The following TMEM230 variants were observed in gnomAD, a reference collection of about 807,000 sequenced individuals.
The protein encoded by TMEM230 is transmembrane protein 230, also known as UPF0414 transmembrane protein C20orf30.
Under a neutral mutation model 15.8 loss-of-function variants are expected in TMEM230, and 10 were observed. The observed-to-expected ratio is 0.63, with a 90% CI of 0.39 to 1.07. TMEM230 has a LOEUF of 1.07. Among genes scored for constraint, TMEM230 ranks in the 50% least tolerant of loss-of-function variants. The probability of loss-of-function intolerance (pLI) is 0.01; values close to 1 mark genes in which losing one functional copy is unlikely to be tolerated. For synonymous variants in TMEM230, 67 were observed against 76.9 expected (o/e 0.87, Z 0.68); for missense variants, 165 against 193.3 (o/e 0.85, Z 0.87).
At chr20:5,092,981 A>T (rs1349496841) in intron 3 of TMEM230, among the ~76,000 whole-genome samples, 2 of 152,208 alleles carry the variant, frequency 1.3e-5, no homozygotes, top group Non-Finnish European at 2.9e-5. Context: ...TTGACATAGT[A>T]ATGGAAATCC....
At chr20:5,078,151 G>C (rs1259521200) in intron 3 of TMEM230, among the ~76,000 whole-genome samples, 1 of 152,182 alleles carries the variant, frequency 6.6e-6, no homozygotes, top group African/African-American at 2.4e-5. Context: ...GATGCTTCAT[G>C]ATTTCCTGGG....
At chr20:5,063,906 A>G (rs547754941), downstream of TMEM230, among the ~76,000 whole-genome samples, 6 of 152,320 alleles carry the variant, frequency 3.9e-5, no homozygotes, top group Non-Finnish European at 7.3e-5. Context: ...TACATGTCAA[A>G]ATCTGGAAAA....
intron 4 of TMEM230, among the ~76,000 whole-genome samples, chr20:5,104,428 T>C (rs886586626): frequency 6.6e-6 from 1 of 152,184 alleles, no homozygotes; most frequent in African/African-American, 2.4e-5. Flanking sequence ...AAGGGAACCC[T>C]CGTACAATGT....
rs953812275 is a variant in TMEM230 at position 5,107,963 on chromosome 20, T to C, written c.288+1369A>G. Among the ~76,000 whole-genome samples, 38 of 150,656 alleles carry C rather than the reference T, an allele frequency of 2.5e-4. 1 individual carries two copies. The highest frequency in any genetic ancestry group is 2.5e-3 in the Admixed American group (38 of 15,096). ...CCCATCTATACTAAAAATACGAAAA[T>C]TGGCCAGGCATGGTGGTGCATGCCT... On this transcript the variant is annotated intron_variant, in intron 3 of 4. Transcript: ENST00000342308.
chr20:5,068,058 G>T (rs879156), downstream of TMEM230: 89,917 of 152,086 alleles, frequency 0.59, 27,037 homozygotes, highest in East Asian at 0.83. Context: ...GAGTCACTGC[G>T]CTCAGCCTCA....
At position 5,113,045 on chromosome 20, in the gene TMEM230, G is replaced by C; in HGVS notation, c.-17C>G. The C allele has an allele frequency of 3.2e-6, 5 of 1,544,372 alleles. No homozygotes were observed. Among genetic ancestry groups the C allele is most frequent in the South Asian group, 1.2e-5 (1 of 83,966 alleles). ...AGGTTGCATGGCATGGCCCGCTTAA[G>C]TGCCACTCAGCCGGCCCCAGGCGGG... is the stretch of plus-strand genomic sequence containing the variant. On this transcript the variant is annotated 5_prime_UTR_variant, in exon 1 of 5. Transcript: ENST00000342308.
chr20:5,066,020 C>A (rs1351372363), downstream of TMEM230: 1 of 152,410 alleles, frequency 6.6e-6, no homozygotes, highest in Non-Finnish European at 1.5e-5. Context: ...GCTGCTCAGG[C>A]CTTCGCCTCC....
chr20:5,098,055 G>A (rs1221812680), downstream of TMEM230, among the ~76,000 whole-genome samples: 9 of 126,260 alleles, frequency 7.1e-5, no homozygotes, highest in Non-Finnish European at 1.1e-4. Context: ...TTGGCTCACC[G>A]CAACCTTAGC....
rs1568504769 is a variant in TMEM230 at position 5,106,113 on chromosome 20, ACACACACG to A, written c.411+67_411+74del. ...CACACACACACACACACACACACAC[ACACACACG>A]CACACTAGAGCCTTGGCTAACATTT... On this transcript the variant is annotated intron_variant, in intron 4 of 4. Transcript: ENST00000342308. 129 of 1,521,058 alleles carry A rather than the reference ACACACACG, an allele frequency of 8.5e-5. 1 individual carries two copies. The highest frequency in any genetic ancestry group is 5.5e-4 in the South Asian group (44 of 79,848). The allele number at this position is 1,521,058 out of a possible 1,614,324, so 94.2% of individuals were successfully genotyped here. A position where few individuals can be genotyped will look rare whatever the true frequency, so the allele number is the denominator to read the frequency against.
Position 5,099,956 on chromosome 20 carries a change from TG to T in TMEM230, c.*834del. 1 of 985,432 alleles carries T rather than the reference TG, an allele frequency of 1.0e-6. No individual in the cohort carries two copies. Among genetic ancestry groups the T allele is most frequent in the Non-Finnish European group, 1.2e-6 (1 of 829,928 alleles). The allele number at this position is 985,432 out of a possible 1,614,324, so 61.0% of individuals were successfully genotyped here. A position where few individuals can be genotyped will look rare whatever the true frequency, so the allele number is the denominator to read the frequency against. ...GCTAAAAAATAGAATCAAACTAAGGTGATCTAGTCCTCTAGGCATCCAGGCT... is the reference window on the plus strand; with the variant it reads ...GCTAAAAAATAGAATCAAACTAAGGTATCTAGTCCTCTAGGCATCCAGGCT... On this transcript the variant is annotated 3_prime_UTR_variant, in exon 5 of 5. Coordinates refer to ENST00000342308, the MANE Select transcript of TMEM230 (RefSeq NM_001009923.2).
At chr20:5,062,290 C>T in the TMEM230 span, among the ~76,000 whole-genome samples, 1 of 150,382 alleles carries the variant, frequency 6.6e-6, no homozygotes, top group Admixed American at 6.6e-5. Context: ...AATCCCAGCA[C>T]ACTGGGAGGC....
chr20:5,086,430 T>C (rs1365584527), intron 3 of TMEM230, among the ~76,000 whole-genome samples: 1 of 150,548 alleles, frequency 6.6e-6, no homozygotes. Context: ...TCCCAGCTGC[T>C]TGGGAGGCTA....
chr20:5,075,636 A>G (rs2088968083), intron 3 of TMEM230, among the ~76,000 whole-genome samples: 1 of 152,072 alleles, frequency 6.6e-6, no homozygotes, highest in Non-Finnish European at 1.5e-5. Context: ...GAAGCAGGAG[A>G]ATCTCTTGAA....
At chr20:5,087,592 G>A (rs376656254) in intron 3 of TMEM230, among the ~76,000 whole-genome samples, 33 of 151,158 alleles carry the variant, frequency 2.2e-4, no homozygotes, top group African/African-American at 8.0e-4. Flanking sequence ...CCCTGGCCTG[G>A]GTAGAGCCTG....
chr20:5,087,696 CTTTTTT>C (rs561757286), intron 3 of TMEM230, among the ~76,000 whole-genome samples: 5 of 99,534 alleles, frequency 5.0e-5, no homozygotes, highest in South Asian at 4.8e-4. Context: ...GAAAGTATGG[CTTTTTT>C]TTTTTTTTTT....
chr20:5,069,852 T>G (rs139206970), intron 3 of TMEM230, among the ~76,000 whole-genome samples: 42 of 152,244 alleles, frequency 2.8e-4, no homozygotes, highest in Non-Finnish European at 5.9e-5. Context: ...TGGGATTACA[T>G]GCATGCACCA....
intron 3 of TMEM230, among the ~76,000 whole-genome samples, chr20:5,092,530 C>T (rs1027334940): frequency 5.3e-5 from 8 of 152,054 alleles, no homozygotes; most frequent in African/African-American, 1.9e-4. Context: ...CCAGCCTGAC[C>T]AACATGGAGA....
intron 3 of TMEM230, among the ~76,000 whole-genome samples, chr20:5,106,683 A>C (rs2090109445): frequency 6.6e-6 from 1 of 152,142 alleles, no homozygotes; most frequent in Non-Finnish European, 1.5e-5. Flanking sequence ...CTGGCATTAC[A>C]GGCGTGAGCC....
At chr20:5,101,261 A>G (rs972756540) in intron 4 of TMEM230, among the ~76,000 whole-genome samples, 9 of 152,118 alleles carry the variant, frequency 5.9e-5, no homozygotes, top group Admixed American at 2.0e-4. Context: ...AACTGTAAGG[A>G]TGTGTAACAT....
Sources: gnomAD v4.1 joint callset for allele counts (sites outside exome capture counted in the v4.1 genomes callset) on GRCh38, gnomAD v4.1.1 for gene constraint, MANE v1.5 for transcripts, NCBI Gene and HGNC (gene_info 2026-07-23, HGNC 2026-07-21) for gene names.